Variants in SLC30A9 observed in about 807,000 individuals in gnomAD.
SLC30A9 encodes the protein proton-coupled zinc antiporter SLC30A9, mitochondrial.
A neutral mutation model predicts 87.5 loss-of-function variants in SLC30A9; 58 were observed. The observed-to-expected ratio is 0.66, with a 90% CI of 0.54 to 0.82. The LOEUF is 0.82. Among genes scored for constraint, SLC30A9 ranks in the 40% least tolerant of loss-of-function variants. SLC30A9 has a pLI of 0.00. For synonymous variants in SLC30A9, 234 were observed against 233.0 expected (o/e 1.00, Z -0.04); for missense variants, 557 against 679.1 (o/e 0.82, Z 2.00).
chr4:42,051,638 TA>T, intron 9 of SLC30A9, among the ~76,000 whole-genome samples: 1 of 152,232 alleles, frequency 6.6e-6, no homozygotes, highest in East Asian at 1.9e-4. Flanking sequence ...AACAGCACAT[TA>T]GACACTGCAG....
In SLC30A9 at chr4:42,008,398, T is replaced by G. The variant is rs535677557; in HGVS notation, c.274+6618T>G. On this transcript the variant is annotated intron_variant, in intron 2 of 17. Transcript: ENST00000264451. ...TTTATTTCCTCATCACCTACATGTT[T>G]GCAAGCTCCATGACAGCATGAACCT... is the stretch of plus-strand genomic sequence containing the variant. Among the ~76,000 whole-genome samples the G allele has an allele frequency of 7.2e-5, 11 of 152,348 alleles. No individual in the cohort carries two copies. The East Asian group carries it at 2.1e-3, about 29-fold the overall frequency.
chr4:42,007,846 C>T (rs1408353621), intron 2 of SLC30A9, among the ~76,000 whole-genome samples: 1 of 152,172 alleles, frequency 6.6e-6, no homozygotes, highest in Non-Finnish European at 1.5e-5. Context: ...TGGTAGTATT[C>T]TCCCTGGGAT....
At chr4:42,086,052 A>T in intron 17 of SLC30A9, 30 bp from the exon 18 acceptor site, 1 of 1,149,112 alleles carries the variant, frequency 8.7e-7, no homozygotes, top group Non-Finnish European at 1.2e-6. Flanking sequence ...ATTTTGCTAC[A>T]AATAATGTGG....
At chr4:41,990,854 C>A (rs1283805985) in intron 1 of SLC30A9, 94 bp downstream of exon 1, 9 of 884,400 alleles carry the variant, frequency 1.0e-5, no homozygotes, top group East Asian at 2.7e-5. Flanking sequence ...CGCCCACTTG[C>A]CTTTCGCCAA....
intron 2 of SLC30A9, among the ~76,000 whole-genome samples, chr4:42,008,876 C>A (rs778113635): frequency 6.6e-6 from 1 of 152,088 alleles, no homozygotes; most frequent in Non-Finnish European, 1.5e-5. Context: ...TGTGCAATTT[C>A]TTCTCTTTCT....
intron 12 of SLC30A9, among the ~76,000 whole-genome samples, chr4:42,066,157 T>C (rs1306013033): frequency 6.6e-6 from 1 of 152,204 alleles, no homozygotes; most frequent in African/African-American, 2.4e-5. Flanking sequence ...CATCTATTTT[T>C]AAAATTAACA....
chr4:41,997,851 AT>A (rs1482205336), intron 1 of SLC30A9, among the ~76,000 whole-genome samples: 1 of 152,222 alleles, frequency 6.6e-6, no homozygotes, highest in Non-Finnish European at 1.5e-5. Context: ...TGCCTTAGAA[AT>A]TTTGGAAAAG....
chr4:42,024,629 C>T (rs1444888552), intron 6 of SLC30A9, among the ~76,000 whole-genome samples: 1 of 151,966 alleles, frequency 6.6e-6, no homozygotes, highest in African/African-American at 2.4e-5. Context: ...TTGATAGATC[C>T]TAAAGAATTA....
At chr4:42,032,897 TA>T (rs924629797) in intron 6 of SLC30A9, among the ~76,000 whole-genome samples, 5 of 152,176 alleles carry the variant, frequency 3.3e-5, no homozygotes, top group African/African-American at 1.2e-4. Flanking sequence ...TACTGGAAAA[TA>T]AAATCAAGTT....
intron 1 of SLC30A9, among the ~76,000 whole-genome samples, chr4:41,998,437 A>G (rs1714819978): frequency 6.6e-6 from 1 of 151,720 alleles, no homozygotes; most frequent in Non-Finnish European, 1.5e-5. Flanking sequence ...CTCTTTGCTT[A>G]CTGGAATTAA....
chr4:42,024,650 G>A (rs188677887), intron 6 of SLC30A9, among the ~76,000 whole-genome samples: 1 of 152,238 alleles, frequency 6.6e-6, no homozygotes, highest in Admixed American at 6.5e-5. Context: ...CTCTCTGAAG[G>A]AAATATGGTA....
At chr4:42,011,781 G>A (rs1715456238) in intron 2 of SLC30A9, among the ~76,000 whole-genome samples, 2 of 152,004 alleles carry the variant, frequency 1.3e-5, no homozygotes, top group African/African-American at 4.8e-5. Context: ...AAAATGACAG[G>A]GAATTTTGAA....
At chr4:42,009,817 G>C (rs551139532) in intron 2 of SLC30A9, among the ~76,000 whole-genome samples, 1 of 152,294 alleles carries the variant, frequency 6.6e-6, no homozygotes, top group South Asian at 2.1e-4. Context: ...GTAGAAACTA[G>C]GGTTGTTTCT....
At chr4:42,072,672 T>G (rs1718357933) in intron 15 of SLC30A9, among the ~76,000 whole-genome samples, 1 of 152,186 alleles carries the variant, frequency 6.6e-6, no homozygotes, top group Non-Finnish European at 1.5e-5. Context: ...TTACATATAG[T>G]CTTGGATAAT....
At chr4:42,042,172 T>C (rs1560548426) in intron 8 of SLC30A9, among the ~76,000 whole-genome samples, 1 of 152,162 alleles carries the variant, frequency 6.6e-6, no homozygotes, top group African/African-American at 2.4e-5. Flanking sequence ...TAGTTTTTTT[T>C]CATACTCCAG....
Position 42,033,822 on chromosome 4 carries a change from G to A in SLC30A9, c.611-1453G>A, listed in dbSNP as rs536692824. On this transcript the variant is annotated intron_variant, in intron 6 of 17. Transcript: ENST00000264451. ...GATGATCTGACCTTGTGATCCACCC[G>A]CCTTGGCCTCCCAAAGTGCTGGGAT... Among the ~76,000 whole-genome samples, 38 of 152,222 alleles carry A rather than the reference G, an allele frequency of 2.5e-4. No individual in the cohort carries two copies. The East Asian group carries it at 4.1e-3, about 16-fold the overall frequency.
chr4:42,027,449 T>TAC (rs1716242373), intron 6 of SLC30A9, among the ~76,000 whole-genome samples: 1 of 139,254 alleles, frequency 7.2e-6, no homozygotes, highest in East Asian at 2.4e-4. Context: ...ATGTCATAGG[T>TAC]ATCCTTGTAC....
At chr4:42,071,214 A>G (rs1043664829) in intron 15 of SLC30A9, among the ~76,000 whole-genome samples, 2 of 152,098 alleles carry the variant, frequency 1.3e-5, no homozygotes, top group African/African-American at 4.8e-5. Context: ...AATCAGCAGA[A>G]GAGATACAGA....
intron 6 of SLC30A9, among the ~76,000 whole-genome samples, chr4:42,032,248 A>G: frequency 6.6e-6 from 1 of 151,634 alleles, no homozygotes; most frequent in Admixed American, 6.6e-5. Context: ...ATTGGATTTC[A>G]ATTTGACATG....
Sources: gnomAD v4.1 joint callset for allele counts (sites outside exome capture counted in the v4.1 genomes callset) on GRCh38, gnomAD v4.1.1 for gene constraint, MANE v1.5 for transcripts, NCBI Gene and HGNC (gene_info 2026-07-23, HGNC 2026-07-21) for gene names.